FNDC3B: variants seen among roughly 807,000 people sequenced by gnomAD.
FNDC3B encodes fibronectin type III domain containing 3B.
In FNDC3B, 12 loss-of-function variants were observed where a neutral mutation model predicts 151.5. The ratio of observed to expected loss-of-function variants is 0.08; its 90% confidence interval spans 0.05 to 0.13. The LOEUF (loss-of-function observed/expected upper bound fraction) is 0.13. FNDC3B is among the 10% of genes least tolerant of loss of function. The pLI, the probability that FNDC3B is intolerant of heterozygous loss-of-function variation, is 1.00. For missense variants in FNDC3B, 1,214 were observed against 1,505.3 expected, an observed-to-expected ratio of 0.81 and a Z score of 3.20; for synonymous variants, 528 against 549.0, an observed-to-expected ratio of 0.96 and a Z score of 0.54.
Position 172,374,288 on chromosome 3 carries a change from G to A in FNDC3B, c.3009-3982G>A, listed in dbSNP as rs750086758. ...TCCGTGGTCTCTCAGAACACACAGG[G>A]AGTCCTTTCTAAAAATTCTGTCTTC... On this transcript the variant is annotated intron_variant, in intron 23 of 25. Transcript: ENST00000415807. Among the ~76,000 whole-genome samples the A allele has an allele frequency of 5.1e-4, 78 of 152,264 alleles. 1 individual carries two copies. The highest frequency in any genetic ancestry group is 3.4e-4 in the Non-Finnish European group (23 of 68,012).
chr3:172,265,594 C>T (rs1436167903), intron 6 of FNDC3B, among the ~76,000 whole-genome samples: 4 of 152,124 alleles, frequency 2.6e-5, no homozygotes, highest in Non-Finnish European at 4.4e-5. Context: ...CATCCCCAGA[C>T]AATTGGTAAT....
At chr3:172,129,565 A>G (rs1279455535) in intron 2 of FNDC3B, among the ~76,000 whole-genome samples, 4 of 152,188 alleles carry the variant, frequency 2.6e-5, no homozygotes, top group South Asian at 4.1e-4. Context: ...TGTTTACTCA[A>G]TTGTATTAAT....
At chr3:172,301,448 G>A (rs1035026967) in intron 9 of FNDC3B, among the ~76,000 whole-genome samples, 1 of 152,126 alleles carries the variant, frequency 6.6e-6, no homozygotes, top group Non-Finnish European at 1.5e-5. Context: ...ATGTAGAGTG[G>A]CCGCAAATAT....
chr3:172,151,150 T>C (rs1333031127), intron 3 of FNDC3B, among the ~76,000 whole-genome samples: 2 of 152,202 alleles, frequency 1.3e-5, no homozygotes, highest in Non-Finnish European at 2.9e-5. Context: ...AAAGCCTTAT[T>C]TATTTTTTGT....
At chr3:172,363,764 A>C (rs895438901) in intron 23 of FNDC3B, among the ~76,000 whole-genome samples, 5 of 152,240 alleles carry the variant, frequency 3.3e-5, no homozygotes, top group African/African-American at 9.6e-5. Context: ...GCAGTCAAGC[A>C]CTTTGATGGA....
intron 1 of FNDC3B, among the ~76,000 whole-genome samples, chr3:172,108,653 G>C (rs184926439): frequency 1.3e-5 from 2 of 152,196 alleles, no homozygotes; most frequent in Non-Finnish European, 2.9e-5. Flanking sequence ...CTCCTGGCCT[G>C]ACTTAACCTG....
chr3:172,396,444 A>G (rs1450469890), intron 25 of FNDC3B, among the ~76,000 whole-genome samples: 2 of 152,128 alleles, frequency 1.3e-5, no homozygotes, highest in East Asian at 3.8e-4. Flanking sequence ...AATTGTTTCC[A>G]TTTTAGAATG....
chr3:172,392,447 G>A (rs1294053872), intron 25 of FNDC3B, among the ~76,000 whole-genome samples: 3 of 152,204 alleles, frequency 2.0e-5, no homozygotes, highest in Non-Finnish European at 4.4e-5. Context: ...GTTTGAAAAT[G>A]AGGGAGGAAT....
chr3:172,119,309 C>T (rs1720421817), intron 2 of FNDC3B, among the ~76,000 whole-genome samples: 1 of 145,852 alleles, frequency 6.9e-6, no homozygotes, highest in Admixed American at 7.0e-5. Flanking sequence ...GTGCTGGTGA[C>T]AGAAAGATGA....
At chr3:172,198,312 CA>C (rs1318294599) in intron 3 of FNDC3B, among the ~76,000 whole-genome samples, 6 of 152,026 alleles carry the variant, frequency 3.9e-5, no homozygotes, top group African/African-American at 1.4e-4. Context: ...TGTGCCTCTC[CA>C]AAACTCTTAG....
intron 22 of FNDC3B, among the ~76,000 whole-genome samples, chr3:172,359,718 C>G (rs1156263129): frequency 2.6e-5 from 4 of 152,098 alleles, no homozygotes; most frequent in African/African-American, 9.7e-5. Context: ...ATAAAGCAAT[C>G]TTATAAGACT....
chr3:172,093,292 T>G lies in FNDC3B; in HGVS notation c.-28-19160T>G, dbSNP rs1294866784. ...TTTTTTTTTTGAGACGGAGTCTTGC[T>G]CTGTCACCCAGGCTGGAGTGCAGTG... is the stretch of plus-strand genomic sequence containing the variant. On this transcript the variant is annotated intron_variant, in intron 1 of 25. Transcript: ENST00000415807. 7.3e-5 allele frequency among the ~76,000 whole-genome samples: 11 copies of G among 149,666 alleles called. No individual in the cohort carries two copies. The East Asian group carries it at 7.9e-4, about 11-fold the overall frequency.
intron 3 of FNDC3B, among the ~76,000 whole-genome samples, chr3:172,150,649 T>G (rs1231133931): frequency 6.6e-6 from 1 of 152,158 alleles, no homozygotes; most frequent in Non-Finnish European, 1.5e-5. Flanking sequence ...CACCACCGAT[T>G]AAGTTGACTT....
In FNDC3B at chr3:172,040,152, T is replaced by TC. The variant is rs1285928808; in HGVS notation, c.-29+386dup. 6.6e-6 allele frequency among the ~76,000 whole-genome samples: 1 copy of TC among 151,372 alleles called. No homozygotes were observed. The highest frequency in any genetic ancestry group is 2.4e-5 in the African/African-American group (1 of 41,094). On this transcript the variant is annotated intron_variant, in intron 1 of 25. Coordinates refer to ENST00000415807, the MANE Select transcript of FNDC3B (RefSeq NM_022763.4). This position sits in a 1 kb window ranked among gnomAD's most constrained non-coding sequence, Gnocchi z 6.6. ...AGCAGATTTTGTCCGAGGAATCCGC[T>TC]CCCCCTCCCGGAATCTCCGCGGCAG...
chr3:172,190,006 G>A (rs184083434), intron 3 of FNDC3B, among the ~76,000 whole-genome samples: 5 of 152,140 alleles, frequency 3.3e-5, no homozygotes, highest in Admixed American at 2.0e-4. Flanking sequence ...AAACTGATAC[G>A]TCAAGTCTTG....
chr3:172,053,046 C>T (rs1020771771), intron 1 of FNDC3B, among the ~76,000 whole-genome samples: 3 of 152,148 alleles, frequency 2.0e-5, no homozygotes, highest in Non-Finnish European at 2.9e-5. Flanking sequence ...TCACTACTTG[C>T]CAGGCATTTT....
chr3:172,149,805 T>G (rs1241648516), intron 3 of FNDC3B, among the ~76,000 whole-genome samples: 1 of 88,244 alleles, frequency 1.1e-5, no homozygotes, highest in Non-Finnish European at 2.3e-5. Context: ...GTATGTTGGG[T>G]GTTTTTTTTT....
At chr3:172,254,893 C>G (rs1728255075) in intron 6 of FNDC3B, among the ~76,000 whole-genome samples, 1 of 152,054 alleles carries the variant, frequency 6.6e-6, no homozygotes, top group South Asian at 2.1e-4. Context: ...TTTAGTTTTC[C>G]CTGAATTTCC....
At chr3:172,185,138 A>G (rs1048545776) in intron 3 of FNDC3B, among the ~76,000 whole-genome samples, 1 of 152,208 alleles carries the variant, frequency 6.6e-6, no homozygotes, top group Non-Finnish European at 1.5e-5. Flanking sequence ...TCTATTAATA[A>G]CACTGAACAA....
Sources: gnomAD v4.1 joint callset for allele counts (sites outside exome capture counted in the v4.1 genomes callset) on GRCh38, gnomAD v4.1.1 for gene constraint, Gnocchi (gnomAD v3.1) non-coding constraint, MANE v1.5 for transcripts, NCBI Gene and HGNC (gene_info 2026-07-23, HGNC 2026-07-21) for gene names.